ANK2: variants seen among roughly 807,000 people sequenced by gnomAD.
ANK2 encodes the protein ankyrin-2.
In ANK2, 83 loss-of-function variants were observed where a neutral mutation model predicts 360.5. That is an observed-to-expected ratio of 0.23 (90% confidence interval 0.19 to 0.28). The LOEUF (loss-of-function observed/expected upper bound fraction) is 0.28. Ranked by LOEUF, ANK2 falls within the 10% of genes least tolerant of loss-of-function variation. The pLI is 1.00. For synonymous variants in ANK2, 1,740 were observed against 1,759.5 expected (o/e 0.99, Z 0.28); for missense variants, 4,201 against 4,795.7 (o/e 0.88, Z 3.66).
chr4:112,913,657 A>G (rs774467820), intron 2 of ANK2, among the ~76,000 whole-genome samples: 9 of 152,162 alleles, frequency 5.9e-5, no homozygotes, highest in Non-Finnish European at 8.8e-5. Context: ...CCTCATTTGT[A>G]CAAATTTACA....
intron 26 of ANK2, among the ~76,000 whole-genome samples, chr4:113,326,727 C>T (rs765534873): frequency 9.2e-5 from 14 of 152,078 alleles, no homozygotes; most frequent in Non-Finnish European, 1.5e-4. Flanking sequence ...TTAGGCCAGG[C>T]ACAGTAGCTC....
chr4:112,894,438 T>C (rs2081137722), intron 1 of ANK2, among the ~76,000 whole-genome samples: 1 of 152,176 alleles, frequency 6.6e-6, no homozygotes, highest in Non-Finnish European at 1.5e-5. Flanking sequence ...ATTTTTATAA[T>C]TTGAAAACTT....
At chr4:113,021,750 A>G (rs924487024) in intron 2 of ANK2, among the ~76,000 whole-genome samples, 8 of 152,040 alleles carry the variant, frequency 5.3e-5, no homozygotes, top group Non-Finnish European at 1.2e-4. Flanking sequence ...AATTCGTGTT[A>G]CATATAAATA....
intron 1 of ANK2, among the ~76,000 whole-genome samples, chr4:112,886,104 A>G (rs1024999668): frequency 6.6e-6 from 1 of 152,116 alleles, no homozygotes; most frequent in African/African-American, 2.4e-5. Flanking sequence ...TGGCAGTCAC[A>G]GAAGTCTGTC....
At chr4:113,376,830 A>T (rs1184077126) in intron 45 of ANK2, among the ~76,000 whole-genome samples, 1 of 146,822 alleles carries the variant, frequency 6.8e-6, no homozygotes, top group Non-Finnish European at 1.5e-5. Flanking sequence ...TTGGCTAAAA[A>T]CAAAGGCCTA....
intron 1 of ANK2, among the ~76,000 whole-genome samples, chr4:113,135,746 A>G (rs1244235235): frequency 6.6e-6 from 1 of 152,114 alleles, no homozygotes; most frequent in Non-Finnish European, 1.5e-5. Flanking sequence ...TTTTGTGGCC[A>G]TTGGCATTTT....
chr4:113,224,427 AC>A (rs1440482175), intron 4 of ANK2, among the ~76,000 whole-genome samples: 1 of 152,156 alleles, frequency 6.6e-6, no homozygotes, highest in Non-Finnish European at 1.5e-5. Context: ...AGAGTTTCCA[AC>A]ATCTCTGCAC....
intron 1 of ANK2, among the ~76,000 whole-genome samples, chr4:112,876,802 C>T (rs1261904200): frequency 6.6e-6 from 1 of 152,158 alleles, no homozygotes; most frequent in African/African-American, 2.4e-5. Flanking sequence ...GTCTACTATT[C>T]TAATATTCAT....
At chr4:112,713,821 C>T in the ANK2 span, among the ~76,000 whole-genome samples, 2 of 151,564 alleles carry the variant, frequency 1.3e-5, no homozygotes, top group Non-Finnish European at 2.9e-5. Flanking sequence ...GTAGTCCCAG[C>T]TACTCGGGAG....
intron 2 of ANK2, among the ~76,000 whole-genome samples, chr4:112,931,419 G>T (rs2093212077): frequency 7.0e-6 from 1 of 143,192 alleles, no homozygotes; most frequent in Non-Finnish European, 1.5e-5. Flanking sequence ...ACCTTTCAAA[G>T]ATTTCTTTCT....
intron 1 of ANK2, among the ~76,000 whole-genome samples, chr4:113,146,191 A>G (rs1036579244): frequency 6.6e-6 from 1 of 152,076 alleles, no homozygotes; most frequent in Non-Finnish European, 1.5e-5. Context: ...ATGCAATGCC[A>G]CATGTTTGTT....
chr4:113,147,850 G>T (rs575931469), intron 1 of ANK2, among the ~76,000 whole-genome samples: 2 of 152,366 alleles, frequency 1.3e-5, no homozygotes, highest in South Asian at 2.1e-4. Context: ...GAGGAAGCAT[G>T]CAGGACAGGA....
At chr4:112,931,671 A>T (rs529657949) in intron 2 of ANK2, among the ~76,000 whole-genome samples, 1 of 151,606 alleles carries the variant, frequency 6.6e-6, no homozygotes, top group South Asian at 2.1e-4. Context: ...AAAGATTTCG[A>T]CCCTGATAAG....
chr4:112,898,543 C>A (rs970458495), intron 1 of ANK2, among the ~76,000 whole-genome samples: 1 of 152,104 alleles, frequency 6.6e-6, no homozygotes, highest in Non-Finnish European at 1.5e-5. Context: ...CATGACAGTG[C>A]TGTTGATGTG....
chr4:113,288,409 G>A lies in ANK2; in HGVS notation c.2200G>A (p.Val734Met). Residue 734 changes from valine to methionine, a missense_variant, in exon 20 of 46, where the codon GTG (valine) becomes ATG (methionine). By Grantham distance (21) the Val-to-Met change is conservative. Coordinates refer to ENST00000357077, the MANE Select transcript of ANK2 (RefSeq NM_001148.6). ...ACAGCTTGGTTACACACCTTTAATT[G>A]TGGCCTGTCACTATGGAAATGTGAA... ...HTKLGYTPLI[V>M]ACHYGNVKMV... is the part of the protein sequence containing the mutation. 3.7e-6 allele frequency: 6 copies of A among 1,613,710 alleles called. No homozygotes were observed. Among genetic ancestry groups the A allele is most frequent in the Non-Finnish European group, 5.1e-6 (6 of 1,179,864 alleles).
intron 2 of ANK2, among the ~76,000 whole-genome samples, chr4:112,927,849 C>T (rs2092749585): frequency 6.6e-6 from 1 of 152,128 alleles, no homozygotes; most frequent in South Asian, 2.1e-4. Flanking sequence ...GTTCCTGAAA[C>T]AATTCAAAGA....
chr4:112,901,864 CA>C (rs199731018), intron 1 of ANK2, among the ~76,000 whole-genome samples: 7,863 of 82,410 alleles, frequency 0.095, 480 homozygotes, highest in East Asian at 0.37. Context: ...GACTCTGTCT[CA>C]AAAAAAAAAA....
At chr4:112,912,556 A>G (rs147408445) in intron 2 of ANK2, among the ~76,000 whole-genome samples, 314 of 152,162 alleles carry the variant, frequency 2.1e-3, no homozygotes, top group Middle Eastern at 6.8e-3. Flanking sequence ...ATCCCAAAGT[A>G]AAAATATATA....
At chr4:112,946,479 G>C (rs2094551952) in intron 2 of ANK2, among the ~76,000 whole-genome samples, 1 of 152,152 alleles carries the variant, frequency 6.6e-6, no homozygotes, top group South Asian at 2.1e-4. Flanking sequence ...GATCTTTAAA[G>C]GAGTGTTTAA....
Sources: gnomAD v4.1 joint callset for allele counts (sites outside exome capture counted in the v4.1 genomes callset) on GRCh38, gnomAD v4.1.1 for gene constraint, MANE v1.5 for transcripts, NCBI Gene and HGNC (gene_info 2026-07-23, HGNC 2026-07-21) for gene names.